AOPEP: variants seen among roughly 807,000 people sequenced by gnomAD.
AOPEP encodes the protein aminopeptidase O.
In AOPEP, 77 loss-of-function variants were observed where a neutral mutation model predicts 98.1. The ratio of observed to expected loss-of-function variants is 0.78; its 90% CI spans 0.65 to 0.95. AOPEP has a LOEUF of 0.95. Among genes scored for constraint, AOPEP ranks in the 40% least tolerant of loss-of-function variants. AOPEP has a pLI of 0.00. For missense variants in AOPEP, 1,024 were observed against 1,024.7 expected, an observed-to-expected ratio of 1.00 and a Z score of 0.01; for synonymous variants, 346 against 365.3, an observed-to-expected ratio of 0.95 and a Z score of 0.60.
intron 9 of AOPEP, among the ~76,000 whole-genome samples, chr9:94,960,702 TGA>T (rs2058757270): frequency 6.6e-6 from 1 of 152,148 alleles, no homozygotes; most frequent in Non-Finnish European, 1.5e-5. Flanking sequence ...GCTCTATTTC[TGA>T]GTTCTTACTG....
chr9:95,012,550 G>T (rs1327385655), intron 13 of AOPEP, among the ~76,000 whole-genome samples: 1 of 152,176 alleles, frequency 6.6e-6, no homozygotes, highest in African/African-American at 2.4e-5. Context: ...GCTGTTTTGT[G>T]CCTGGGTCTC....
chr9:94,819,221 T>A (rs1216910714), intron 5 of AOPEP, among the ~76,000 whole-genome samples: 1 of 152,198 alleles, frequency 6.6e-6, no homozygotes, highest in Non-Finnish European at 1.5e-5. Context: ...GAAACAGCTG[T>A]CTCTGATCTG....
At chr9:94,918,563 G>C (rs909932581) in intron 5 of AOPEP, among the ~76,000 whole-genome samples, 2 of 152,226 alleles carry the variant, frequency 1.3e-5, no homozygotes, top group African/African-American at 2.4e-5. Flanking sequence ...TTAGAGTCCA[G>C]ACTGTGTGAG....
chr9:94,899,325 T>C (rs1383412134), intron 5 of AOPEP, among the ~76,000 whole-genome samples: 1 of 148,900 alleles, frequency 6.7e-6, no homozygotes, highest in Non-Finnish European at 1.5e-5. Context: ...GCTGGGACTA[T>C]AGGCGCCCGC....
At chr9:95,111,387 C>T in the AOPEP span, 8 of 1,597,282 alleles carry the variant, frequency 5.0e-6, no homozygotes, top group Non-Finnish European at 6.8e-6. Context: ...AAGCCCACAA[C>T]AGAGCCCCTC....
chr9:94,911,086 A>C (rs1049847406), intron 5 of AOPEP, among the ~76,000 whole-genome samples: 1 of 152,118 alleles, frequency 6.6e-6, no homozygotes, highest in African/African-American at 2.4e-5. Context: ...AGATAGAGGG[A>C]AGACTGTCTA....
Position 94,800,840 on chromosome 9 carries a change from G to C in AOPEP, c.1202G>C (p.Arg401Pro). The C allele has an allele frequency of 1.9e-6, 3 of 1,614,094 alleles. No individual in the cohort carries two copies. The highest frequency in any genetic ancestry group is 2.5e-6 in the Non-Finnish European group (3 of 1,180,030). ...ACCACCCAGGAGATCATTCCTCATC[G>C]GGTCTTTGCCCCTGTGTGCCTCACG... ...SATTQEIIPH[R>P]VFAPVCLTGA... Residue 401 changes from arginine to proline, a missense_variant, in exon 5 of 17, where the codon CGG becomes CCG. Physicochemically the swap from Arg to Pro is moderately radical, Grantham distance 103. Coordinates refer to ENST00000375315, the MANE Select transcript of AOPEP (RefSeq NM_001193329.3).
At position 94,801,012 on chromosome 9, in the gene AOPEP, T is replaced by A; in HGVS notation, c.1364+10T>A. 6.2e-7 allele frequency: 1 copy of A among 1,613,580 alleles called. No individual in the cohort carries two copies. The highest frequency in any genetic ancestry group is 8.5e-7 in the Non-Finnish European group (1 of 1,179,446). On this transcript the variant is annotated intron_variant, in intron 5 of 16. Coordinates refer to ENST00000375315, the MANE Select transcript of AOPEP (RefSeq NM_001193329.3). The stretch of plus-strand genomic sequence containing the variant: ...GTCTGGGGATGGCCAGGTATGTTGT[T>A]CCATTGTGGCACTTGGGGTACATAC...
At chr9:94,903,156 T>C (rs1033420506) in intron 5 of AOPEP, among the ~76,000 whole-genome samples, 1 of 151,822 alleles carries the variant, frequency 6.6e-6, no homozygotes, top group Non-Finnish European at 1.5e-5. Context: ...AATTTTTGTC[T>C]TTTTTGTGGA....
intron 2 of AOPEP, among the ~76,000 whole-genome samples, chr9:94,766,235 C>T (rs75864004): frequency 0.03 from 4,521 of 152,150 alleles, 228 homozygotes; most frequent in African/African-American, 0.1. Context: ...CTGAAGAAAA[C>T]GTTATTTAAA....
the AOPEP span, chr9:95,149,831 G>A: frequency 1.4e-6 from 2 of 1,405,526 alleles, no homozygotes; most frequent in Admixed American, 2.0e-5. Context: ...AAAAACGTTT[G>A]GACACTGCTG....
chr9:95,030,278 T>C (rs1047218980), intron 13 of AOPEP, among the ~76,000 whole-genome samples: 2 of 152,220 alleles, frequency 1.3e-5, no homozygotes, highest in Admixed American at 1.3e-4. Flanking sequence ...GAGCGTGTTA[T>C]ATATTTGTGA....
chr9:94,786,583 G>A (rs1263596780), intron 3 of AOPEP, among the ~76,000 whole-genome samples: 1 of 152,186 alleles, frequency 6.6e-6, no homozygotes, highest in Non-Finnish European at 1.5e-5. Flanking sequence ...TGTTCCCTGT[G>A]GCAGTGGGCA....
chr9:95,082,545 C>T lies in AOPEP; in HGVS notation c.2320-30C>T, dbSNP rs764926877. ...TGTGTGTGGGTACCCACACCTTCGC[C>T]TGATGCCCTTTGGCCTCTGTGCCCT... is the stretch of plus-strand genomic sequence containing the variant. On this transcript the variant is annotated intron_variant, in intron 15 of 16. Coordinates refer to ENST00000375315, the MANE Select transcript of AOPEP (RefSeq NM_001193329.3). 6.4e-5 allele frequency: 103 copies of T among 1,611,244 alleles called. 1 individual carries two copies. In the South Asian group the frequency reaches 1.0e-3, roughly 16 times the overall value.
intron 5 of AOPEP, among the ~76,000 whole-genome samples, chr9:94,872,220 G>A (rs1178607605): frequency 1.3e-5 from 2 of 152,078 alleles, no homozygotes; most frequent in African/African-American, 2.4e-5. Context: ...CGATGGCAGG[G>A]CGAACCATCA....
At chr9:95,038,337 G>C (rs746184068) in intron 13 of AOPEP, among the ~76,000 whole-genome samples, 1 of 152,214 alleles carries the variant, frequency 6.6e-6, no homozygotes, top group Non-Finnish European at 1.5e-5. Context: ...AATTTAGCAT[G>C]CATTAGGTTG....
intron 10 of AOPEP, among the ~76,000 whole-genome samples, chr9:94,976,966 C>G (rs527439212): frequency 1.3e-5 from 2 of 152,146 alleles, no homozygotes; most frequent in Non-Finnish European, 2.9e-5. Flanking sequence ...TGTGCCTGGC[C>G]CAGAAGTCAG....
intron 14 of AOPEP, among the ~76,000 whole-genome samples, chr9:95,068,476 A>C (rs978126798): frequency 6.6e-6 from 1 of 152,208 alleles, no homozygotes; most frequent in South Asian, 2.1e-4. Flanking sequence ...CTTTGGAGAA[A>C]GGGCTAGTTA....
chr9:94,974,431 T>G (rs1247563868), intron 10 of AOPEP, among the ~76,000 whole-genome samples: 1 of 152,196 alleles, frequency 6.6e-6, no homozygotes, highest in African/African-American at 2.4e-5. Context: ...ACAGGGATAT[T>G]ATGAGAAATG....
Sources: gnomAD v4.1 joint callset for allele counts (sites outside exome capture counted in the v4.1 genomes callset) on GRCh38, gnomAD v4.1.1 for gene constraint, MANE v1.5 for transcripts, NCBI Gene and HGNC (gene_info 2026-07-23, HGNC 2026-07-21) for gene names.